Variants in ZNF521 observed in about 807,000 individuals in gnomAD.
ZNF521 encodes the protein zinc finger protein 521.
Under a neutral mutation model 105.5 loss-of-function variants are expected in ZNF521, and 14 were observed. The ratio of observed to expected loss-of-function variants is 0.13; its 90% CI spans 0.09 to 0.21. ZNF521 has a LOEUF of 0.21. Among genes scored for constraint, ZNF521 ranks in the 10% least tolerant of loss-of-function variants. The pLI, the probability that ZNF521 is intolerant of heterozygous loss-of-function variation, is 1.00. For missense variants in ZNF521, 1,233 were observed against 1,629.7 expected, an observed-to-expected ratio of 0.76 and a Z score of 4.19; for synonymous variants, 635 against 606.0, an observed-to-expected ratio of 1.05 and a Z score of -0.70.
At chr18:25,348,372 A>G (rs911793779) in intron 2 of ZNF521, among the ~76,000 whole-genome samples, 1 of 152,206 alleles carries the variant, frequency 6.6e-6, no homozygotes, top group African/African-American at 2.4e-5. Flanking sequence ...AACAAGAGCC[A>G]CCCAGAATGC....
chr18:25,265,286 G>A (rs1909171454), intron 3 of ZNF521, among the ~76,000 whole-genome samples: 1 of 152,152 alleles, frequency 6.6e-6, no homozygotes, highest in South Asian at 2.1e-4. Context: ...AAAAGCAGAG[G>A]CCAAAGTAGA....
chr18:25,239,405 G>A (rs1042827344), intron 3 of ZNF521, among the ~76,000 whole-genome samples: 7 of 152,202 alleles, frequency 4.6e-5, no homozygotes, highest in Non-Finnish European at 2.9e-5. Flanking sequence ...GAAAAAGTCT[G>A]TCTGCTAAAC....
chr18:25,121,818 AAACTT>A (rs563721973), intron 5 of ZNF521, among the ~76,000 whole-genome samples: 325 of 152,320 alleles, frequency 2.1e-3, no homozygotes, highest in East Asian at 0.011. Flanking sequence ...AAACTATTAC[AAACTT>A]AACTTAACTG....
chr18:25,132,911 C>T (rs2034666650), intron 5 of ZNF521, among the ~76,000 whole-genome samples: 1 of 152,154 alleles, frequency 6.6e-6, no homozygotes, highest in Non-Finnish European at 1.5e-5. Context: ...CAAACGGGAG[C>T]ATAAATTCTA....
At chr18:25,197,548 A>G (rs1406393165) in intron 4 of ZNF521, among the ~76,000 whole-genome samples, 1 of 151,844 alleles carries the variant, frequency 6.6e-6, no homozygotes, top group Non-Finnish European at 1.5e-5. Context: ...CCTGTACACC[A>G]TCTTTAAGTA....
intron 2 of ZNF521, among the ~76,000 whole-genome samples, chr18:25,332,053 G>GA (rs1843561675): frequency 7.1e-6 from 1 of 141,118 alleles, no homozygotes; most frequent in Non-Finnish European, 1.6e-5. Flanking sequence ...CCAGGAACAT[G>GA]AAAAAATGTT....
At chr18:25,258,812 A>G (rs1908698315) in intron 3 of ZNF521, among the ~76,000 whole-genome samples, 1 of 151,906 alleles carries the variant, frequency 6.6e-6, no homozygotes, top group African/African-American at 2.4e-5. Context: ...TGGGTTTCCT[A>G]TGGGCTGCCT....
chr18:25,351,051 G>GGCCTCCCTCGCGCCCTCGCTCC (rs1254566442), intron 1 of ZNF521, 104 bp from the exon 2 acceptor site: 2 of 876,292 alleles, frequency 2.3e-6, no homozygotes, highest in Non-Finnish European at 3.0e-6. Context: ...CCCTCCGCTC[G>GGCCTCCCTCGCGCCCTCGCTCC]GCCTCCCTCG....
Position 25,225,326 on chromosome 18 carries a change from G to T in ZNF521, c.2592C>A (p.Asn864Lys), listed in dbSNP as rs1439734543. ...EEVELQTLLT[N>K]SQESHNSHDG... ...CGTGACTGTTGTGGGACTCCTGGCT[G>T]TTGGTCAGCAAAGTCTGCAGCTCCA... The change falls in exon 4 of 8, where the codon AAC becomes AAA. Residue 864 changes from asparagine (N) to lysine (K), a missense_variant. By Grantham distance (94) the Asn-to-Lys change is moderately conservative. Coordinates refer to ENST00000361524, the MANE Select transcript of ZNF521 (RefSeq NM_015461.3). The surrounding 1 kb of genome is among the most constrained non-coding windows in gnomAD (Gnocchi z 5.6). 2 of 1,614,082 alleles carry T rather than the reference G, an allele frequency of 1.2e-6. No homozygotes were observed. The highest frequency in any genetic ancestry group is 2.7e-5 in the African/African-American group (2 of 74,936).
At chr18:25,200,619 A>G (rs2035976588) in intron 4 of ZNF521, among the ~76,000 whole-genome samples, 1 of 152,062 alleles carries the variant, frequency 6.6e-6, no homozygotes, top group Non-Finnish European at 1.5e-5. Context: ...TCTATCCTCC[A>G]TGTATTTTAA....
chr18:25,194,813 A>G (rs1206023223), intron 5 of ZNF521, among the ~76,000 whole-genome samples: 2 of 151,740 alleles, frequency 1.3e-5, no homozygotes, highest in African/African-American at 4.8e-5. Flanking sequence ...ATAACTTCTG[A>G]AATTAAAACC....
chr18:25,240,419 T>A (rs1907229066), intron 3 of ZNF521, among the ~76,000 whole-genome samples: 1 of 150,840 alleles, frequency 6.6e-6, no homozygotes, highest in South Asian at 2.1e-4. Flanking sequence ...TAAAGGAGAG[T>A]AAGGGAAAGT....
intron 3 of ZNF521, among the ~76,000 whole-genome samples, chr18:25,265,746 G>A (rs1051496119): frequency 6.6e-6 from 1 of 152,232 alleles, no homozygotes; most frequent in African/African-American, 2.4e-5. Context: ...CATGCTTGCT[G>A]CAGCACTGTT....
chr18:25,289,487 C>G (rs1910888532), intron 3 of ZNF521, among the ~76,000 whole-genome samples: 1 of 152,184 alleles, frequency 6.6e-6, no homozygotes, highest in African/African-American at 2.4e-5. Context: ...GCTTGCAGGG[C>G]TTCTCATATT....
intron 3 of ZNF521, among the ~76,000 whole-genome samples, chr18:25,279,416 T>C (rs1300578438): frequency 1.3e-5 from 2 of 152,196 alleles, no homozygotes; most frequent in Admixed American, 6.5e-5. Context: ...GTATGAATGA[T>C]TTAAAATTCA....
At chr18:25,178,356 G>C (rs1481962057) in intron 5 of ZNF521, among the ~76,000 whole-genome samples, 3 of 152,108 alleles carry the variant, frequency 2.0e-5, no homozygotes, top group Non-Finnish European at 4.4e-5. Flanking sequence ...CTGTGATTCT[G>C]GGTTCCACAC....
chr18:25,248,532 A>C (rs1384966831), intron 3 of ZNF521, among the ~76,000 whole-genome samples: 1 of 152,216 alleles, frequency 6.6e-6, no homozygotes, highest in East Asian at 1.9e-4. Context: ...AAATAACACG[A>C]GTTAGCATAT....
chr18:25,235,961 C>T (rs1906863769), intron 3 of ZNF521, among the ~76,000 whole-genome samples: 1 of 152,206 alleles, frequency 6.6e-6, no homozygotes, highest in Admixed American at 6.5e-5. Context: ...TGTATTACAA[C>T]TGACCTCAGT....
intron 2 of ZNF521, among the ~76,000 whole-genome samples, chr18:25,328,419 AC>A (rs1913360090): frequency 6.7e-6 from 1 of 150,062 alleles, no homozygotes; most frequent in Non-Finnish European, 1.5e-5. Flanking sequence ...ACACACACAC[AC>A]ACACACACAC....
Sources: gnomAD v4.1 joint callset for allele counts (sites outside exome capture counted in the v4.1 genomes callset) on GRCh38, gnomAD v4.1.1 for gene constraint, Gnocchi (gnomAD v3.1) non-coding constraint, MANE v1.5 for transcripts, NCBI Gene and HGNC (gene_info 2026-07-23, HGNC 2026-07-21) for gene names.